NOP58: variants seen among roughly 807,000 people sequenced by gnomAD.
The protein encoded by NOP58 is NOP58 ribonucleoprotein, also known as nucleolar protein 58.
Under a neutral mutation model 71.2 loss-of-function variants are expected in NOP58, and 44 were observed. The observed-to-expected ratio is 0.62, with a 90% CI of 0.49 to 0.79. NOP58 has a LOEUF of 0.79. NOP58 is among the 30% of genes least tolerant of loss of function. The pLI is 0.00. For missense variants in NOP58, 538 were observed against 620.2 expected (o/e 0.87, Z 1.41); for synonymous variants, 228 against 200.3 (o/e 1.14, Z -1.17).
chr2:202,265,875 A>G lies in NOP58; in HGVS notation c.-67A>G. The G allele has an allele frequency of 6.3e-7, 1 of 1,596,842 alleles. No individual in the cohort carries two copies. Among genetic ancestry groups the G allele is most frequent in the East Asian group, 2.2e-5 (1 of 44,784 alleles). On this transcript the variant is annotated 5_prime_UTR_variant, in exon 1 of 15. Coordinates refer to ENST00000264279, the MANE Select transcript of NOP58 (RefSeq NM_015934.5). ...CCTAGGAGGCCTTTTGAGGCCGCGT[A>G]GTCGGTGTTTTTGAACTGACTCTAC...
At chr2:202,272,148 AAT>A in intron 1 of NOP58, among the ~76,000 whole-genome samples, 1 of 106,576 alleles carries the variant, frequency 9.4e-6, no homozygotes, top group Non-Finnish European at 1.9e-5. Context: ...TCTGATGTAT[AAT>A]TTTTTTTTTT....
intron 13 of NOP58, among the ~76,000 whole-genome samples, chr2:202,301,108 C>G (rs1215090671): frequency 1.3e-5 from 2 of 152,196 alleles, no homozygotes; most frequent in African/African-American, 4.8e-5. Context: ...GCACCAAACT[C>G]TGTCCTTTGT....
At chr2:202,276,983 C>T (rs990240343) in intron 2 of NOP58, among the ~76,000 whole-genome samples, 4 of 151,000 alleles carry the variant, frequency 2.6e-5, no homozygotes, top group Admixed American at 2.6e-4. Flanking sequence ...CTAAAAAATA[C>T]AAAAAAATTA....
chr2:202,292,959 G>A, intron 9 of NOP58, 56 bp downstream of exon 9: 1 of 1,597,498 alleles, frequency 6.3e-7, no homozygotes, highest in African/African-American at 1.3e-5. Flanking sequence ...TTCTGGTTAG[G>A]ATTTTGTTTA....
At chr2:202,284,214 A>T (rs1203557304) in intron 4 of NOP58, 131 bp from the exon 5 acceptor site, 1 of 655,268 alleles carries the variant, frequency 1.5e-6, no homozygotes, top group East Asian at 2.9e-5. Flanking sequence ...CGGAGGTTGT[A>T]GTGAGCCAAG....
At chr2:202,303,338 C>G (rs774875927) in intron 14 of NOP58, 48 bp from the exon 15 acceptor site, 1 of 1,606,354 alleles carries the variant, frequency 6.2e-7, no homozygotes, top group South Asian at 1.1e-5. Context: ...TGATTACTCA[C>G]CCATACAATT....
chr2:202,272,149 A>ATTT lies in NOP58; in HGVS notation c.46-2944_46-2942dup, dbSNP rs570916461. 5.3e-3 allele frequency among the ~76,000 whole-genome samples: 584 copies of ATTT among 111,056 alleles called. 12 individuals are homozygous for ATTT. Among genetic ancestry groups the ATTT allele is most frequent in the East Asian group, 7.7e-3 (30 of 3,874 alleles). The allele number at this position is 111,056 out of a possible 152,430, so 72.9% of individuals were successfully genotyped here. ...TTTTAGGGGTTTGTTCTGATGTATA[A>ATTT]TTTTTTTTTTTTTTTTTTTTTTGAG... On this transcript the variant is annotated intron_variant, in intron 1 of 14. Coordinates refer to ENST00000264279, the MANE Select transcript of NOP58 (RefSeq NM_015934.5).
At chr2:202,299,780 TTGTTCTTG>T (rs1689059410) in intron 12 of NOP58, 1 of 152,516 alleles carries the variant, frequency 6.6e-6, no homozygotes, top group South Asian at 2.1e-4. Flanking sequence ...GTATCCTTTC[TTGTTCTTG>T]TGATCTTGTG....
chr2:202,302,736 C>CT lies in NOP58; in HGVS notation c.1403-184dup. 4.6e-5 allele frequency among the ~76,000 whole-genome samples: 7 copies of CT among 152,284 alleles called. 1 individual carries two copies. Among genetic ancestry groups the CT allele is most frequent in the Admixed American group, 4.6e-4 (7 of 15,300 alleles). On this transcript the variant is annotated intron_variant, in intron 13 of 14. Transcript: ENST00000264279. ...GATCGTGAGAAGATTGCTCTGAGCT[C>CT]TATCTATATCATTCGTTAAAGTTAG...
intron 1 of NOP58, among the ~76,000 whole-genome samples, 186 bp downstream of exon 1, chr2:202,266,172 G>A (rs1420039131): frequency 6.6e-6 from 1 of 152,160 alleles, no homozygotes; most frequent in Non-Finnish European, 1.5e-5. Flanking sequence ...CCGCCGTTTG[G>A]GGAGACCCGT....
rs971907285 is a variant in NOP58, at chr2:202,285,103, G to A, written c.434+622G>A. 3.9e-5 allele frequency among the ~76,000 whole-genome samples: 6 copies of A among 151,968 alleles called. No individual in the cohort carries two copies. In the East Asian group the frequency reaches 7.7e-4, roughly 20 times the overall value. ...GTCGCCCAGACTGGAGTGCAGTGGC[G>A]TGATCTCTGCTCACTGCAGCCCCTG... On this transcript the variant is annotated intron_variant, in intron 5 of 14. Transcript: ENST00000264279.
At chr2:202,300,400 T>C (rs1305744177) in intron 13 of NOP58, 33 bp downstream of exon 13, 5 of 1,535,624 alleles carry the variant, frequency 3.3e-6, no homozygotes, top group East Asian at 2.3e-5. Context: ...ACACAACTTA[T>C]ACTCACTTCT....
At position 202,290,186 on chromosome 2, in the gene NOP58, C is replaced by A. The variant is rs970774839; in HGVS notation, c.500-137C>A. The A allele has an allele frequency of 6.5e-5, 41 of 627,760 alleles. No homozygotes were observed. The Middle Eastern group carries it at 2.2e-3, about 33-fold the overall frequency. The allele number at this position is 627,760 out of a possible 1,614,324, so 38.9% of individuals were successfully genotyped here. On this transcript the variant is annotated intron_variant, in intron 6 of 14. Transcript: ENST00000264279. ...GGCCAGGCTGGTCTTGAACTTCTGA[C>A]TTCGTGATATGCCTGTCTGCTGGGA... is the stretch of plus-strand genomic sequence containing the variant.
rs1366260415 is a variant in NOP58 at position 202,303,007 on chromosome 2, AAGGAAGAACCACTTTCTG to A, written c.1501_1518del (p.Leu501_Pro506del). On this transcript the variant is annotated inframe_deletion, in exon 14 of 15. Coordinates refer to ENST00000264279, the MANE Select transcript of NOP58 (RefSeq NM_015934.5). Reference sequence around the variant, plus strand: ...GAAAAGGGGTAAAAAGAAACACATTAAGGAAGAACCACTTTCTGAGGAAGAACCATGTACCAGCACAGC... The same window carrying A: ...GAAAAGGGGTAAAAAGAAACACATTAAGGAAGAACCATGTACCAGCACAGC... 6.2e-7 allele frequency: 1 copy of A among 1,613,028 alleles called. No homozygotes were observed. The highest frequency in any genetic ancestry group is 1.7e-5 in the Admixed American group (1 of 59,994).
At position 202,303,432 on chromosome 2, in the gene NOP58, A is replaced by G; in HGVS notation, c.1586A>G (p.Asp529Gly). Residue 529 changes from aspartate (D) to glycine (G), a missense_variant, in exon 15 of 15, where the codon GAT (aspartate) becomes GGT (glycine). By Grantham distance (94) the Asp-to-Gly change is moderately conservative. Transcript: ENST00000264279. Reference sequence around the variant, plus strand: ...AAGAAAAAAAAGAGAGAGAACGAGGATTAACAGAAAGGAATTACGATTATA... The same window carrying G: ...AAGAAAAAAAAGAGAGAGAACGAGGGTTAACAGAAAGGAATTACGATTATA... The part of the protein sequence containing the change: ...KKKKKKRENE[D>G] 1.2e-6 allele frequency: 2 copies of G among 1,610,592 alleles called. No individual in the cohort carries two copies. The highest frequency in any genetic ancestry group is 1.7e-6 in the Non-Finnish European group (2 of 1,178,338).
chr2:202,276,537 C>A, intron 2 of NOP58: 1 of 503,084 alleles, frequency 2.0e-6, no homozygotes, highest in Non-Finnish European at 4.0e-6. Context: ...ATGTTTCTTT[C>A]TGGATAAAAT....
chr2:202,301,872 T>C (rs1048272386), intron 13 of NOP58, among the ~76,000 whole-genome samples: 1 of 152,122 alleles, frequency 6.6e-6, no homozygotes, highest in Non-Finnish European at 1.5e-5. Flanking sequence ...TTCCCCTTCC[T>C]GCTTTATTTT....
chr2:202,292,742 T>A (rs368810710), intron 8 of NOP58, 35 bp from the exon 9 acceptor site: 2 of 1,564,904 alleles, frequency 1.3e-6, no homozygotes, highest in Non-Finnish European at 8.8e-7. Context: ...TTTACTCATA[T>A]GATATTTGTG....
At chr2:202,297,703 T>G in intron 11 of NOP58, 142 bp from the exon 12 acceptor site, 2 of 799,808 alleles carry the variant, frequency 2.5e-6, no homozygotes, top group South Asian at 2.0e-5. Context: ...GCATTTGCCA[T>G]TAGGATATGC....
Sources: allele counts gnomAD v4.1 joint callset (sites outside exome capture counted in the v4.1 genomes callset), GRCh38; gene constraint gnomAD v4.1.1; transcripts MANE v1.5; gene names NCBI Gene and HGNC (gene_info 2026-07-23, HGNC 2026-07-21).